Variants in PI4KA observed in about 807,000 individuals in gnomAD.
The protein encoded by PI4KA is phosphatidylinositol 4-kinase alpha, also known as PI4-kinase alpha.
In PI4KA, 122 loss-of-function variants were observed where a neutral mutation model predicts 271.4. The observed-to-expected ratio is 0.45, with a 90% CI of 0.39 to 0.52. The LOEUF is 0.52. Among genes scored for constraint, PI4KA ranks in the 20% least tolerant of loss-of-function variants. PI4KA has a pLI of 0.00. For missense variants in PI4KA, 1,969 were observed against 2,769.1 expected, an observed-to-expected ratio of 0.71 and a Z score of 6.48; for synonymous variants, 1,041 against 1,078.8, an observed-to-expected ratio of 0.96 and a Z score of 0.69.
At chr22:20,854,229 T>G (rs974711827) in intron 1 of PI4KA, among the ~76,000 whole-genome samples, 2 of 151,970 alleles carry the variant, frequency 1.3e-5, no homozygotes, top group African/African-American at 4.8e-5. Context: ...CCAGTGATTC[T>G]CTGGCCTCAG....
chr22:20,793,247 G>C lies in PI4KA; in HGVS notation c.2278-4C>G, dbSNP rs1022847650. 2.0e-6 allele frequency: 3 copies of C among 1,530,790 alleles called. No individual in the cohort carries two copies. The highest frequency in any genetic ancestry group is 2.7e-5 in the African/African-American group (2 of 73,060). The allele number at this position is 1,530,790 out of a possible 1,614,324, so 94.8% of individuals were successfully genotyped here. A position where few individuals can be genotyped will look rare whatever the true frequency, so the allele number is the denominator to read the frequency against. The stretch of plus-strand genomic sequence containing the variant: ...AGTTCCCTGCACTGCTAGAAGCCTA[G>C]AAAAGAACAGAATTATTGTCATTAA... On this transcript the variant is annotated splice_region_variant and splice_polypyrimidine_tract_variant and intron_variant, in intron 18 of 54. Transcript: ENST00000255882.
intron 4 of PI4KA, 138 bp downstream of exon 4, chr22:20,824,188 T>G: frequency 2.9e-6 from 2 of 695,006 alleles, no homozygotes; most frequent in Non-Finnish European, 5.2e-6. Context: ...ATGTCTTAGG[T>G]CTGCTGTCAA....
Position 20,851,996 on chromosome 22 carries a change from C to T in PI4KA, c.156+6574G>A, listed in dbSNP as rs183047449. 2.3e-3 allele frequency among the ~76,000 whole-genome samples: 357 copies of T among 152,148 alleles called. 5 individuals carry two copies. In the East Asian group the frequency reaches 0.055, roughly 23 times the overall value. On this transcript the variant is annotated intron_variant, in intron 1 of 54. Transcript: ENST00000255882. ...AAAATTAGCCGGGCGTGGTGGCGGGCGCCTGTAGTCCCAGCTACTCGGGAG... is the reference window on the plus strand; with the variant it reads ...AAAATTAGCCGGGCGTGGTGGCGGGTGCCTGTAGTCCCAGCTACTCGGGAG...
chr22:20,777,174 G>A (rs1569020175), intron 19 of PI4KA, among the ~76,000 whole-genome samples: 1 of 151,764 alleles, frequency 6.6e-6, no homozygotes, highest in Non-Finnish European at 1.5e-5. Flanking sequence ...AAGTAGATGG[G>A]ACCACAGGCG....
chr22:20,847,527 C>T (rs900859128), intron 1 of PI4KA, among the ~76,000 whole-genome samples: 2 of 152,052 alleles, frequency 1.3e-5, no homozygotes, highest in African/African-American at 4.8e-5. Context: ...GAATTCAAGA[C>T]CAGCCTGGGG....
chr22:20,728,727 G>A (rs896872723), intron 39 of PI4KA, among the ~76,000 whole-genome samples: 2 of 152,312 alleles, frequency 1.3e-5, no homozygotes, highest in African/African-American at 2.4e-5. Flanking sequence ...CAGTACATTG[G>A]CAAGTCTGGG....
At chr22:20,826,160 C>T (rs1923395827) in intron 3 of PI4KA, among the ~76,000 whole-genome samples, 1 of 151,978 alleles carries the variant, frequency 6.6e-6, no homozygotes, top group South Asian at 2.1e-4. Context: ...CTAGCCAACA[C>T]GGCAAAACTC....
chr22:20,778,589 A>C (rs1027534154), intron 19 of PI4KA, among the ~76,000 whole-genome samples: 10 of 152,202 alleles, frequency 6.6e-5, no homozygotes, highest in Non-Finnish European at 1.2e-4. Flanking sequence ...CACAAATTTC[A>C]AGTATCTTTA....
chr22:20,779,853 T>C (rs757248078), intron 19 of PI4KA: 5 of 1,614,224 alleles, frequency 3.1e-6, no homozygotes, highest in Non-Finnish European at 3.4e-6. Context: ...GCACTCGATT[T>C]TGCATTTTAA....
chr22:20,714,622 G>A lies in PI4KA; in HGVS notation c.5390+6C>T, dbSNP rs751304026. The A allele has an allele frequency of 3.1e-6, 5 of 1,613,950 alleles. No individual in the cohort carries two copies. Among genetic ancestry groups the A allele is most frequent in the East Asian group, 2.2e-5 (1 of 44,880 alleles). ...AAGTGGGGGATGGGTAGGGTGAGGC[G>A]CCCACCTCTGCATCGGGGTCCCAGA... On this transcript the variant is annotated splice_donor_region_variant and intron_variant, in intron 46 of 54. Coordinates refer to ENST00000255882, the MANE Select transcript of PI4KA (RefSeq NM_058004.4).
At chr22:20,791,042 T>G (rs371575986) in intron 19 of PI4KA, among the ~76,000 whole-genome samples, 1 of 152,300 alleles carries the variant, frequency 6.6e-6, no homozygotes, top group South Asian at 2.1e-4. Flanking sequence ...CGATCCCACA[T>G]GTAGGACCAG....
In PI4KA at chr22:20,854,986, T is replaced by C. The variant is rs371392402; in HGVS notation, c.156+3584A>G. On this transcript the variant is annotated intron_variant, in intron 1 of 54. Coordinates refer to ENST00000255882, the MANE Select transcript of PI4KA (RefSeq NM_058004.4). The stretch of plus-strand genomic sequence containing the variant: ...GGCCAACACGGCGAAACCCCATCTC[T>C]ACTAAAAATACAAAAATTAGCTGGG... 2.2e-3 allele frequency among the ~76,000 whole-genome samples: 338 copies of C among 152,110 alleles called. 1 individual carries two copies. Among genetic ancestry groups the C allele is most frequent in the African/African-American group, 8.1e-3 (336 of 41,516 alleles).
intron 4 of PI4KA, among the ~76,000 whole-genome samples, chr22:20,823,383 A>G (rs1392651326): frequency 6.6e-6 from 1 of 152,204 alleles, no homozygotes; most frequent in Non-Finnish European, 1.5e-5. Context: ...ATAAATGAAG[A>G]ATCTAAATTA....
At chr22:20,727,435 T>C in intron 40 of PI4KA, 38 bp from the exon 41 acceptor site, 1 of 1,539,552 alleles carries the variant, frequency 6.5e-7, no homozygotes, top group South Asian at 1.2e-5. Flanking sequence ...GCTTGGGCAG[T>C]CCCGGGACCT....
rs1208814336 is a variant in PI4KA, at chr22:20,750,395, AACTGTAAG to A, written c.3154-409_3154-402del. 1.6e-4 allele frequency among the ~76,000 whole-genome samples: 25 copies of A among 152,338 alleles called. No individual in the cohort carries two copies. The East Asian group carries it at 3.1e-3, about 19-fold the overall frequency. The stretch of plus-strand genomic sequence containing the variant: ...TTTGATTTTACACTTCGGCCCTCAG[AACTGTAAG>A]ACAATCAATGTCTGTCAAGACCTTT... On this transcript the variant is annotated intron_variant, in intron 27 of 54. Coordinates refer to ENST00000255882, the MANE Select transcript of PI4KA (RefSeq NM_058004.4).
At chr22:20,740,198 T>C (rs1929255866) in intron 32 of PI4KA, among the ~76,000 whole-genome samples, 2 of 149,350 alleles carry the variant, frequency 1.3e-5, no homozygotes, top group Admixed American at 6.7e-5. Flanking sequence ...AAATAAAAAA[T>C]ATACAAGATG....
chr22:20,796,186 C>G lies in PI4KA; in HGVS notation c.2237G>C (p.Arg746Pro). The G allele has an allele frequency of 6.2e-7, 1 of 1,613,970 alleles. No homozygotes were observed. Among genetic ancestry groups the G allele is most frequent in the Non-Finnish European group, 8.5e-7 (1 of 1,179,886 alleles). Residue 746 changes from arginine (R) to proline (P), a missense_variant, in exon 18 of 55, where the codon CGA becomes CCA. By Grantham distance (103) the Arg-to-Pro change is moderately radical (BLOSUM62 -2). Around this residue, in one of 13 missense-constraint regions of PI4KA, gnomAD observed 368 missense variants for 544.3 expected, o/e 0.68. Transcript: ENST00000255882. ...CTTCTCGCTTGCCCTCTCGCTGGCT[C>G]GCTTCCCCTCCAGCCCCAGCTGCAC... ...LFVQLGLEGKRASERASEKGP... is the reference protein window; with the variant it reads ...LFVQLGLEGKPASERASEKGP...
chr22:20,778,265 C>T (rs1010330180), intron 19 of PI4KA, among the ~76,000 whole-genome samples: 3 of 152,092 alleles, frequency 2.0e-5, no homozygotes, highest in East Asian at 3.9e-4. Context: ...CTTTGGGGGG[C>T]TGAGGTGGGT....
At chr22:20,820,272 A>G (rs1922469601) in intron 5 of PI4KA, among the ~76,000 whole-genome samples, 1 of 152,190 alleles carries the variant, frequency 6.6e-6, no homozygotes, top group South Asian at 2.1e-4. Flanking sequence ...AAGTCAACTA[A>G]TCTACCCACA....
Sources: allele counts gnomAD v4.1 joint callset (sites outside exome capture counted in the v4.1 genomes callset), GRCh38; gene constraint gnomAD v4.1.1; regional missense constraint gnomAD v4.1.1; transcripts MANE v1.5; gene names NCBI Gene and HGNC (gene_info 2026-07-23, HGNC 2026-07-21).